Variants in FAM219A observed in about 807,000 individuals in gnomAD.
The protein encoded by FAM219A is protein FAM219A.
A neutral mutation model predicts 23.4 loss-of-function variants in FAM219A; 7 were observed. The observed-to-expected ratio is 0.30, with a 90% confidence interval of 0.17 to 0.56. The LOEUF (loss-of-function observed/expected upper bound fraction) is 0.56, where lower values mean the gene tolerates loss of function less well. FAM219A is among the 20% of genes least tolerant of loss of function. The pLI is 0.92. For synonymous variants in FAM219A, 93 were observed against 99.0 expected (o/e 0.94, Z 0.36); for missense variants, 166 against 246.9 (o/e 0.67, Z 2.20).
chr9:34,447,164 C>T (rs1204642378), intron 1 of FAM219A, among the ~76,000 whole-genome samples: 2 of 152,240 alleles, frequency 1.3e-5, no homozygotes, highest in East Asian at 3.8e-4. Context: ...ACCATCATCT[C>T]ACTATCCTCA....
chr9:34,420,713 G>A (rs547425784), intron 1 of FAM219A, among the ~76,000 whole-genome samples: 16 of 152,244 alleles, frequency 1.1e-4, no homozygotes, highest in Middle Eastern at 3.4e-3. Context: ...GGTGGCTCAT[G>A]AGCCTGTAAT....
intron 1 of FAM219A, among the ~76,000 whole-genome samples, chr9:34,443,459 T>G (rs1292684342): frequency 6.6e-6 from 1 of 152,154 alleles, no homozygotes; most frequent in Non-Finnish European, 1.5e-5. Flanking sequence ...TCTCATTTGG[T>G]GATGAGAAGA....
At position 34,401,035 on chromosome 9, in the gene FAM219A, G is replaced by C. The variant is rs1195964752; in HGVS notation, c.487C>G (p.Pro163Ala). The change falls in exon 6 of 6, where the codon CCC (proline) becomes GCC (alanine). Residue 163 changes from proline (P) to alanine (A), a missense_variant. Coordinates refer to ENST00000651358, the MANE Select transcript of FAM219A (RefSeq NM_001184940.2). ...CACGTGGGGTTCACGGACTTGGGGG[G>C]GATGAGGTCTAGGTCCTCGTCGTCG... ...IPDDEDLDLI[P>A]PKSVNPTCMC... The C allele has an allele frequency of 6.2e-7, 1 of 1,607,434 alleles. No individual in the cohort carries two copies. Among genetic ancestry groups the C allele is most frequent in the Non-Finnish European group, 8.5e-7 (1 of 1,176,194 alleles).
chr9:34,456,469 C>A (rs1017572599), intron 1 of FAM219A, among the ~76,000 whole-genome samples: 1 of 152,210 alleles, frequency 6.6e-6, no homozygotes, highest in South Asian at 2.1e-4. Context: ...TTTTTGAGAA[C>A]CCCAGATGGG....
At chr9:34,405,445 T>G (rs1821598944) in intron 2 of FAM219A, among the ~76,000 whole-genome samples, 1 of 152,092 alleles carries the variant, frequency 6.6e-6, no homozygotes, top group African/African-American at 2.4e-5. Context: ...TGGGCTGAGA[T>G]TGTAATCGGG....
rs904114951 is a variant in FAM219A, at chr9:34,406,506, A to G, written c.61-542T>C. 21 of 985,030 alleles carry G rather than the reference A, an allele frequency of 2.1e-5. No individual in the cohort carries two copies. In the African/African-American group the frequency reaches 3.1e-4, roughly 15 times the overall value. 61.0% of individuals were successfully genotyped at this position (985,030 alleles called of 1,614,324 possible). A position where few individuals can be genotyped will look rare whatever the true frequency, so the allele number is the denominator to read the frequency against. On this transcript the variant is annotated intron_variant, in intron 1 of 5. Transcript: ENST00000651358. ...CAAGGCTACAGCCACTGGACAAAAAAATAGTTCTAATGAGGACTTCTCCAG... is the reference window on the plus strand; with the variant it reads ...CAAGGCTACAGCCACTGGACAAAAAGATAGTTCTAATGAGGACTTCTCCAG...
At chr9:34,406,452 G>C in intron 1 of FAM219A, 1 of 985,396 alleles carries the variant, frequency 1.0e-6, no homozygotes, top group Non-Finnish European at 1.2e-6. Flanking sequence ...AGGATCCAGA[G>C]AACTGACTGA....
chr9:34,447,331 A>T (rs1306709129), intron 1 of FAM219A, among the ~76,000 whole-genome samples: 1 of 152,232 alleles, frequency 6.6e-6, no homozygotes, highest in East Asian at 1.9e-4. Context: ...TGATCATGGA[A>T]GCTCAACTGA....
chr9:34,409,354 T>G (rs1191559948), intron 1 of FAM219A, among the ~76,000 whole-genome samples: 1 of 152,196 alleles, frequency 6.6e-6, no homozygotes, highest in Non-Finnish European at 1.5e-5. Context: ...TGTAAAATAT[T>G]CATGAATGTA....
rs1353776151 is a variant in FAM219A at position 34,456,546 on chromosome 9, T to A, written c.60+1658A>T. Reference sequence around the variant, plus strand: ...GAACCTCCTCTTCCTTCATCCACCCTCTATTTTGATTCTTGATTAGATGCT... The same window carrying A: ...GAACCTCCTCTTCCTTCATCCACCCACTATTTTGATTCTTGATTAGATGCT... On this transcript the variant is annotated intron_variant, in intron 1 of 5. Coordinates refer to ENST00000651358, the MANE Select transcript of FAM219A (RefSeq NM_001184940.2). Among the ~76,000 whole-genome samples the A allele has an allele frequency of 3.9e-5, 6 of 152,354 alleles. 1 individual carries two copies. The South Asian group carries it at 1.2e-3, about 32-fold the overall frequency.
At chr9:34,447,923 G>A (rs910104815) in intron 1 of FAM219A, among the ~76,000 whole-genome samples, 9 of 151,624 alleles carry the variant, frequency 5.9e-5, no homozygotes, top group African/African-American at 2.2e-4. Context: ...CTAGGCTAGA[G>A]TGTAATAGTG....
chr9:34,405,924 G>A lies in FAM219A; in HGVS notation c.101C>T (p.Ala34Val), dbSNP rs753786528. ...CATGGCTACTGACTCACCCTCCCGGGCGTCACAGTCTCCGTCAGAGATGGA... is the reference window on the plus strand; with the variant it reads ...CATGGCTACTGACTCACCCTCCCGGACGTCACAGTCTCCGTCAGAGATGGA... Reference protein sequence around the residue: ...AASISDGDCDAREGESVAMNY... With the variant: ...AASISDGDCDVREGESVAMNY... The change falls in exon 2 of 6, where the codon GCC (alanine) becomes GTC (valine). Residue 34 changes from alanine to valine, a missense_variant. Coordinates refer to ENST00000651358, the MANE Select transcript of FAM219A (RefSeq NM_001184940.2). 8 of 1,613,650 alleles carry A rather than the reference G, an allele frequency of 5.0e-6. No individual in the cohort carries two copies. Among genetic ancestry groups the A allele is most frequent in the Non-Finnish European group, 6.8e-6 (8 of 1,179,754 alleles).
chr9:34,402,938 A>C, intron 2 of FAM219A, 131 bp from the exon 3 acceptor site: 1 of 712,654 alleles, frequency 1.4e-6, no homozygotes, highest in Non-Finnish European at 2.3e-6. Flanking sequence ...AGGGATCCCA[A>C]CTCCAGGCCC....
intron 1 of FAM219A, among the ~76,000 whole-genome samples, chr9:34,408,915 T>A (rs906346327): frequency 3.9e-5 from 6 of 152,212 alleles, no homozygotes; most frequent in Admixed American, 3.9e-4. Flanking sequence ...TCATCAAAGT[T>A]TCTTCTCTCA....
chr9:34,413,939 T>C (rs769570902), intron 1 of FAM219A, among the ~76,000 whole-genome samples: 32 of 152,200 alleles, frequency 2.1e-4, no homozygotes, highest in Non-Finnish European at 4.4e-4. Flanking sequence ...AATTTATCCA[T>C]TGGTCAGCTG....
At chr9:34,435,514 C>G (rs9644878) in intron 1 of FAM219A, among the ~76,000 whole-genome samples, 3,164 of 152,204 alleles carry the variant, frequency 0.021, 92 homozygotes, top group East Asian at 0.12. Context: ...TGAAAGTTCT[C>G]CTATAATTCA....
chr9:34,400,952 T>C lies in FAM219A; in HGVS notation c.*12A>G, dbSNP rs374848079. ...GGCGGCCCCGCCCCGGCGACCGCAG[T>C]GGCCCCGCCCGCTACTGAATGTGGC... On this transcript the variant is annotated 3_prime_UTR_variant, in exon 6 of 6. Transcript: ENST00000651358. 3.2e-4 allele frequency: 489 copies of C among 1,517,842 alleles called. 2 individuals carry two copies. Among genetic ancestry groups the C allele is most frequent in the Middle Eastern group, 2.5e-3 (14 of 5,558 alleles). The allele number at this position is 1,517,842 out of a possible 1,614,324, so 94.0% of individuals were successfully genotyped here. A position where few individuals can be genotyped will look rare whatever the true frequency, so the allele number is the denominator to read the frequency against.
In FAM219A at chr9:34,457,631, G is replaced by T. The variant is rs1444630089; in HGVS notation, c.60+573C>A. On this transcript the variant is annotated intron_variant, in intron 1 of 5. Transcript: ENST00000651358. This position sits in a 1 kb window ranked among gnomAD's most constrained non-coding sequence, Gnocchi z 5.1. ...GGTTTAGATGCCCCCAGCCTGGTCTGCCTGCGCTCCCCACCGGAGAACGGA... is the reference window on the plus strand; with the variant it reads ...GGTTTAGATGCCCCCAGCCTGGTCTTCCTGCGCTCCCCACCGGAGAACGGA... Among the ~76,000 whole-genome samples the T allele has an allele frequency of 1.3e-5, 2 of 152,012 alleles. No individual in the cohort carries two copies. The highest frequency in any genetic ancestry group is 4.8e-5 in the African/African-American group (2 of 41,394).
At chr9:34,422,458 TA>T (rs1822317559) in intron 1 of FAM219A, among the ~76,000 whole-genome samples, 1 of 152,248 alleles carries the variant, frequency 6.6e-6, no homozygotes, top group African/African-American at 2.4e-5. Context: ...GTCATGAGAT[TA>T]ACAACGTACC....
Sources: allele counts gnomAD v4.1 joint callset (sites outside exome capture counted in the v4.1 genomes callset), GRCh38; gene constraint gnomAD v4.1.1; non-coding constraint Gnocchi (gnomAD v3.1); transcripts MANE v1.5; gene names NCBI Gene and HGNC (gene_info 2026-07-23, HGNC 2026-07-21).